The following HYPK variants were observed in gnomAD, a reference collection of about 807,000 sequenced individuals.
The protein encoded by HYPK is huntingtin-interacting protein K.
A neutral mutation model predicts 13.9 loss-of-function variants in HYPK; 9 were observed. The ratio of observed to expected loss-of-function variants is 0.65; its 90% CI spans 0.39 to 1.13. HYPK has a LOEUF of 1.13. HYPK is among the 50% of genes most tolerant of loss of function. HYPK has a pLI of 0.01. For missense variants in HYPK, 138 were observed against 157.6 expected (o/e 0.88, Z 0.67); for synonymous variants, 76 against 57.0 (o/e 1.33, Z -1.50).
chr15:43,800,511 A>G (rs2087296152), upstream of HYPK: 2 of 1,373,926 alleles, frequency 1.5e-6, no homozygotes, highest in Non-Finnish European at 1.0e-6. Context: ...GAACTGGAGC[A>G]GAAAGAAGGT....
Position 43,802,824 on chromosome 15 carries a change from G to A in HYPK, c.*1018G>A, listed in dbSNP as rs1467988188. Reference sequence around the variant, plus strand: ...GAACCAGGGAGGCGGAAGTTGCAGTGAGCTGAGATTGTGCCACTGTACTCC... The same window carrying A: ...GAACCAGGGAGGCGGAAGTTGCAGTAAGCTGAGATTGTGCCACTGTACTCC... On this transcript the variant is annotated 3_prime_UTR_variant, in exon 4 of 4. Transcript: ENST00000442995. The A allele has an allele frequency of 6.6e-6, 1 of 152,032 alleles. No individual in the cohort carries two copies. The highest frequency in any genetic ancestry group is 1.5e-5 in the Non-Finnish European group (1 of 68,166). The allele number at this position is 152,032 out of a possible 1,614,324, so 9.4% of individuals were successfully genotyped here. A position where few individuals can be genotyped will look rare whatever the true frequency, so the allele number is the denominator to read the frequency against.
At position 43,803,089 on chromosome 15, in the gene HYPK, G is replaced by A. The variant is rs1197451748; in HGVS notation, c.*1283G>A. ...TGAGGGTTAGAACATGGTAAGACTAGAAGATATCAAAGGTTGGGCCAGGTG... is the reference window on the plus strand; with the variant it reads ...TGAGGGTTAGAACATGGTAAGACTAAAAGATATCAAAGGTTGGGCCAGGTG... On this transcript the variant is annotated 3_prime_UTR_variant, in exon 4 of 4. Transcript: ENST00000442995. 6.6e-6 allele frequency: 1 copy of A among 151,862 alleles called. No individual in the cohort carries two copies. Among genetic ancestry groups the A allele is most frequent in the Non-Finnish European group, 1.5e-5 (1 of 67,966 alleles). The allele number at this position is 151,862 out of a possible 1,614,324, so 9.4% of individuals were successfully genotyped here.
At position 43,802,100 on chromosome 15, in the gene HYPK, T is replaced by G. The variant is rs1023240287; in HGVS notation, c.*294T>G. ...GGTACATCTGGAGTCTCAGCAGAGT[T>G]ACTGTACTCAAATGGCATGTGTCTC... is the stretch of plus-strand genomic sequence containing the variant. On this transcript the variant is annotated 3_prime_UTR_variant, in exon 4 of 4. Transcript: ENST00000442995. 1.8e-5 allele frequency: 7 copies of G among 384,260 alleles called. No homozygotes were observed. Among genetic ancestry groups the G allele is most frequent in the Non-Finnish European group, 3.4e-5 (7 of 208,564 alleles). 23.8% of individuals were successfully genotyped at this position (384,260 alleles called of 1,614,324 possible).
chr15:43,802,864 A>C lies in HYPK; in HGVS notation c.*1058A>C, dbSNP rs549116794. On this transcript the variant is annotated 3_prime_UTR_variant, in exon 4 of 4. Transcript: ENST00000442995. The stretch of plus-strand genomic sequence containing the variant: ...CACTGTACTCCAGCCTGGGTGACAG[A>C]GCGAGACTGTCTCAAAAACAAAACA... 1.9e-4 allele frequency: 29 copies of C among 152,312 alleles called. No individual in the cohort carries two copies. Among genetic ancestry groups the C allele is most frequent in the African/African-American group, 6.7e-4 (28 of 41,506 alleles). 9.4% of individuals were successfully genotyped at this position (152,312 alleles called of 1,614,324 possible).
At position 43,803,246 on chromosome 15, in the gene HYPK, G is replaced by T. The variant is rs898104839; in HGVS notation, c.*1440G>T. ...TCTACTAAAATTAAAAAAAAAAAAA[G>T]CCAGGCATGGTGGCATGTGCCTGTC... On this transcript the variant is annotated 3_prime_UTR_variant, in exon 4 of 4. Transcript: ENST00000442995. 6.7e-6 allele frequency among the ~76,000 whole-genome samples: 1 copy of T among 149,596 alleles called. No individual in the cohort carries two copies. Among genetic ancestry groups the T allele is most frequent in the Admixed American group, 6.7e-5 (1 of 15,024 alleles).
Position 43,801,839 on chromosome 15 carries a change from A to G in HYPK, c.*33A>G, listed in dbSNP as rs768328358. The G allele has an allele frequency of 6.3e-7, 1 of 1,589,614 alleles. No individual in the cohort carries two copies. Among genetic ancestry groups the G allele is most frequent in the Non-Finnish European group, 8.6e-7 (1 of 1,159,956 alleles). ...TTTCTCAAATATACCTACTGGATTA[A>G]TTTATGGCAATAAAATTTTTTTTTG... On this transcript the variant is annotated 3_prime_UTR_variant, in exon 4 of 4. Coordinates refer to ENST00000442995, the MANE Select transcript of HYPK (RefSeq NM_016400.4).
In HYPK at chr15:43,800,650, G is replaced by T. The variant is rs1422427740; in HGVS notation, c.28G>T (p.Glu10Ter). 1.2e-6 allele frequency: 2 copies of T among 1,614,086 alleles called. No homozygotes were observed. Among genetic ancestry groups the T allele is most frequent in the African/African-American group, 1.3e-5 (1 of 74,936 alleles). The change falls in exon 1 of 4, where the codon GAG becomes TAG. Residue 10 changes from glutamate to a stop codon, truncating the protein, a stop_gained. Transcript: ENST00000442995. LOFTEE classifies it high-confidence loss of function. ...GGCGACCGAGGGGGATGTGGAGCTG[G>T]AGTTGGAGACTGAGACCAGTGGACC... is the stretch of plus-strand genomic sequence containing the variant. MATEGDVEL[E>*]LETETSGPER...
Position 43,801,854 on chromosome 15 carries a change from A to AT in HYPK, c.*57dup, listed in dbSNP as rs201392337. 4.5e-4 allele frequency: 691 copies of AT among 1,549,594 alleles called. 4 individuals carry two copies. In the East Asian group the frequency reaches 0.011, roughly 24 times the overall value. ...TACTGGATTAATTTATGGCAATAAA[A>AT]TTTTTTTTTGTCTTTTTCAGTTTTA... On this transcript the variant is annotated 3_prime_UTR_variant, in exon 4 of 4. Coordinates refer to ENST00000442995, the MANE Select transcript of HYPK (RefSeq NM_016400.4).
rs1028940142 is a variant in HYPK at position 43,802,748 on chromosome 15, T to G, written c.*942T>G. 1.3e-5 allele frequency: 2 copies of G among 151,314 alleles called. No individual in the cohort carries two copies. Among genetic ancestry groups the G allele is most frequent in the Non-Finnish European group, 2.9e-5 (2 of 67,924 alleles). The allele number at this position is 151,314 out of a possible 1,614,324, so 9.4% of individuals were successfully genotyped here. A position where few individuals can be genotyped will look rare whatever the true frequency, so the allele number is the denominator to read the frequency against. On this transcript the variant is annotated 3_prime_UTR_variant, in exon 4 of 4. Transcript: ENST00000442995. ...AAATAAAATTAGCCAGGCGTGGTGGTGCATGCCTGTAGTCCCAGCTACTCA... is the reference window on the plus strand; with the variant it reads ...AAATAAAATTAGCCAGGCGTGGTGGGGCATGCCTGTAGTCCCAGCTACTCA...
rs960421073 is a variant in HYPK, at chr15:43,803,214, C to G, written c.*1408C>G. On this transcript the variant is annotated 3_prime_UTR_variant, in exon 4 of 4. Transcript: ENST00000442995. ...GACCAGCCTGGGCAACATAGCATGA[C>G]CTTGTCTCTACTAAAATTAAAAAAA... Among the ~76,000 whole-genome samples, 2 of 146,644 alleles carry G rather than the reference C, an allele frequency of 1.4e-5. No individual in the cohort carries two copies. Among genetic ancestry groups the G allele is most frequent in the African/African-American group, 2.5e-5 (1 of 39,550 alleles).
rs547320831 is a variant in HYPK, at chr15:43,801,810, G to A, written c.*4G>A. 9.3e-6 allele frequency: 15 copies of A among 1,613,412 alleles called. No homozygotes were observed. Among genetic ancestry groups the A allele is most frequent in the East Asian group, 4.5e-5 (2 of 44,902 alleles). On this transcript the variant is annotated 3_prime_UTR_variant, in exon 4 of 4. Coordinates refer to ENST00000442995, the MANE Select transcript of HYPK (RefSeq NM_016400.4). ...GCTTATTGCCCTAACCAACTGATGC[G>A]TGCTTTCTCAAATATACCTACTGGA...
upstream of HYPK, chr15:43,800,547 TC>T: frequency 6.3e-7 from 1 of 1,594,308 alleles, no homozygotes. Flanking sequence ...CCCCGCCTCC[TC>T]CCCGGGCGGA....
chr15:43,801,254 C>A, intron 2 of HYPK, 67 bp downstream of exon 2: 1 of 1,346,770 alleles, frequency 7.4e-7, no homozygotes, highest in Non-Finnish European at 1.1e-6. Flanking sequence ...AAAATAAAAA[C>A]CATTATTAAG....
At position 43,803,167 on chromosome 15, in the gene HYPK, CTG is replaced by C. The variant is rs537262318; in HGVS notation, c.*1365_*1366del. ...CTTTGGGGAGGCTGGGCTGGGAGGA[CTG>C]TGTCAGGTCAGGATTTCCAGACCAG... On this transcript the variant is annotated 3_prime_UTR_variant, in exon 4 of 4. Transcript: ENST00000442995. The C allele has an allele frequency of 2.9e-4, 44 of 150,492 alleles. No homozygotes were observed. Among genetic ancestry groups the C allele is most frequent in the African/African-American group, 9.0e-4 (37 of 40,886 alleles). 9.3% of individuals were successfully genotyped at this position (150,492 alleles called of 1,614,324 possible). A position where few individuals can be genotyped will look rare whatever the true frequency, so the allele number is the denominator to read the frequency against.
chr15:43,800,754 G>A lies in HYPK; in HGVS notation c.132G>A (p.Glu44=), dbSNP rs143071906. 9 of 1,613,270 alleles carry A rather than the reference G, an allele frequency of 5.6e-6. No individual in the cohort carries two copies. Among genetic ancestry groups the A allele is most frequent in the Non-Finnish European group, 7.6e-6 (9 of 1,179,708 alleles). Residue 44 remains glutamate, a synonymous_variant, in exon 1 of 4, where the codon GAG becomes GAA. Transcript: ENST00000442995. Reference sequence around the variant, plus strand: ...AGCGGGTCACCGACTATGCAGAGGAGAAGGAGATCCAGAGTTCCAATCTGG... The same window carrying A: ...AGCGGGTCACCGACTATGCAGAGGAAAAGGAGATCCAGAGTTCCAATCTGG... The part of the protein sequence containing the change: ...DLERVTDYAE[E]KEIQSSNLET...
chr15:43,800,584 C>A, upstream of HYPK: 1 of 1,613,082 alleles, frequency 6.2e-7, no homozygotes, highest in Non-Finnish European at 8.5e-7. Context: ...CGGAAGTCGG[C>A]GTGAGGTGGG....
At position 43,801,134 on chromosome 15, in the gene HYPK, C is replaced by G. The variant is rs74009157; in HGVS notation, c.165C>G (p.Ala55=). Residue 55 remains alanine, a splice_region_variant and synonymous_variant, in exon 2 of 4, where the codon GCC becomes GCG. Coordinates refer to ENST00000442995, the MANE Select transcript of HYPK (RefSeq NM_016400.4). ...KEIQSSNLET[A]MSVIGDRRSR... ...AACTAGACCTGCCTTTCCCATAGGC[C>G]ATGTCTGTGATTGGAGACAGAAGGT... The G allele has an allele frequency of 9.3e-6, 15 of 1,613,644 alleles. No homozygotes were observed. In the South Asian group the frequency reaches 9.9e-5, roughly 11 times the overall value.
At chr15:43,800,980 C>T (rs972662966) in intron 1 of HYPK, 152 bp from the exon 2 acceptor site, 3 of 824,536 alleles carry the variant, frequency 3.6e-6, no homozygotes, top group Admixed American at 2.3e-5. Context: ...TTAAGGGGAC[C>T]TCAGGTGCAT....
upstream of HYPK, chr15:43,800,438 A>C: frequency 1.2e-6 from 1 of 814,904 alleles, no homozygotes. Context: ...GCCTCGCACA[A>C]AACACTGTAC....
Sources: allele counts gnomAD v4.1 joint callset (sites outside exome capture counted in the v4.1 genomes callset), GRCh38; gene constraint gnomAD v4.1.1; transcripts MANE v1.5; gene names NCBI Gene and HGNC (gene_info 2026-07-23, HGNC 2026-07-21).